Variants in MAGI3 observed in about 807,000 individuals in gnomAD.
MAGI3 encodes the protein membrane-associated guanylate kinase, WW and PDZ domain-containing protein 3.
MAGI3 carries 43 observed loss-of-function variants against 121.8 expected under a neutral mutation model. The ratio of observed to expected loss-of-function variants is 0.35; its 90% CI spans 0.28 to 0.46. MAGI3 has a LOEUF of 0.46. Ranked by LOEUF, MAGI3 falls within the 20% of genes least tolerant of loss-of-function variation. The pLI is 1.00. For synonymous variants in MAGI3, 553 were observed against 639.3 expected (o/e 0.86, Z 2.04); for missense variants, 1,547 against 1,797.3 (o/e 0.86, Z 2.52).
At chr1:113,445,567 A>ACACT (rs1032841262) in intron 1 of MAGI3, among the ~76,000 whole-genome samples, 1 of 152,116 alleles carries the variant, frequency 6.6e-6, no homozygotes, top group African/African-American at 2.4e-5. Context: ...TTATGCCACC[A>ACACT]CACTCCAGCC....
intron 16 of MAGI3, among the ~76,000 whole-genome samples, chr1:113,666,956 G>GA (rs1469866635): frequency 6.6e-6 from 1 of 152,172 alleles, no homozygotes; most frequent in Non-Finnish European, 1.5e-5. Flanking sequence ...ATTTTGAAAG[G>GA]AATCTTTTTT....
intron 1 of MAGI3, among the ~76,000 whole-genome samples, chr1:113,491,597 T>G (rs1416452566): frequency 6.6e-6 from 1 of 151,998 alleles, no homozygotes; most frequent in Admixed American, 6.6e-5. Flanking sequence ...GCTGGTTTTT[T>G]GAAGAAATTA....
At chr1:113,434,496 T>A (rs1653465793) in intron 1 of MAGI3, among the ~76,000 whole-genome samples, 1 of 152,160 alleles carries the variant, frequency 6.6e-6, no homozygotes, top group Non-Finnish European at 1.5e-5. Flanking sequence ...TAGTAAGCAT[T>A]CCCTAAATAA....
At chr1:113,561,317 GA>G (rs1233692469) in intron 2 of MAGI3, among the ~76,000 whole-genome samples, 1 of 152,126 alleles carries the variant, frequency 6.6e-6, no homozygotes, top group African/African-American at 2.4e-5. Flanking sequence ...AACAAAAAAA[GA>G]AAACTTCAGG....
chr1:113,440,089 C>G (rs1653838236), intron 1 of MAGI3, among the ~76,000 whole-genome samples: 1 of 152,014 alleles, frequency 6.6e-6, no homozygotes, highest in African/African-American at 2.4e-5. Flanking sequence ...CTGTTTCCCC[C>G]CTTTAAAAAA....
intron 1 of MAGI3, among the ~76,000 whole-genome samples, chr1:113,482,666 TTA>T (rs1400048157): frequency 3.5e-5 from 5 of 142,696 alleles, no homozygotes; most frequent in Admixed American, 7.3e-5. Flanking sequence ...TTTTTTTTTT[TTA>T]ACCACTGGAG....
At chr1:113,587,486 G>A (rs546859519) in intron 4 of MAGI3, among the ~76,000 whole-genome samples, 3 of 152,258 alleles carry the variant, frequency 2.0e-5, no homozygotes, top group East Asian at 3.9e-4. Context: ...GTGAGCCACC[G>A]TGCCCAGCCT....
intron 3 of MAGI3, among the ~76,000 whole-genome samples, chr1:113,583,569 G>C (rs555187208): frequency 2.6e-5 from 4 of 151,996 alleles, no homozygotes; most frequent in Non-Finnish European, 4.4e-5. Flanking sequence ...TTTTATTTCT[G>C]TCATGGTATA....
intron 1 of MAGI3, among the ~76,000 whole-genome samples, chr1:113,412,560 C>T (rs1652059097): frequency 6.6e-6 from 1 of 152,106 alleles, no homozygotes; most frequent in African/African-American, 2.4e-5. Context: ...TTAATGATTG[C>T]CATTCTAACT....
intron 1 of MAGI3, among the ~76,000 whole-genome samples, chr1:113,434,806 G>T (rs1009964572): frequency 1.3e-5 from 2 of 152,182 alleles, no homozygotes; most frequent in East Asian, 1.9e-4. Context: ...GATAAGGAAG[G>T]TTCTTGCATT....
intron 1 of MAGI3, among the ~76,000 whole-genome samples, chr1:113,532,188 T>A (rs1008198624): frequency 1.3e-5 from 2 of 152,050 alleles, no homozygotes; most frequent in Non-Finnish European, 2.9e-5. Flanking sequence ...GCTTAAAGAC[T>A]ATTTATACTT....
intron 1 of MAGI3, among the ~76,000 whole-genome samples, chr1:113,514,592 A>C (rs984960803): frequency 1.3e-5 from 2 of 151,176 alleles, no homozygotes; most frequent in African/African-American, 4.9e-5. Flanking sequence ...ACATGGACAC[A>C]GGAAGGGGAA....
chr1:113,653,563 C>T (rs369928196), intron 14 of MAGI3, among the ~76,000 whole-genome samples: 49 of 151,480 alleles, frequency 3.2e-4, no homozygotes, highest in African/African-American at 7.0e-4. Context: ...CAGAGCAAGA[C>T]GCCATCTCGG....
chr1:113,648,915 T>G (rs1652999893), intron 12 of MAGI3, among the ~76,000 whole-genome samples: 1 of 152,152 alleles, frequency 6.6e-6, no homozygotes, highest in Non-Finnish European at 1.5e-5. Context: ...AATATCAAAC[T>G]CAAGTTTGAT....
At chr1:113,598,228 C>T (rs535739608) in intron 6 of MAGI3, among the ~76,000 whole-genome samples, 1 of 151,094 alleles carries the variant, frequency 6.6e-6, no homozygotes, top group Admixed American at 6.6e-5. Flanking sequence ...CCCCACCCCC[C>T]CTCCAAAAAA....
intron 6 of MAGI3, among the ~76,000 whole-genome samples, chr1:113,597,381 G>A (rs1171440392): frequency 6.6e-6 from 1 of 152,148 alleles, no homozygotes; most frequent in Non-Finnish European, 1.5e-5. Flanking sequence ...TTTAAAACTG[G>A]ATTGTGGTGA....
At chr1:113,414,212 A>G (rs1416811310) in intron 1 of MAGI3, among the ~76,000 whole-genome samples, 2 of 152,226 alleles carry the variant, frequency 1.3e-5, no homozygotes, top group African/African-American at 2.4e-5. Flanking sequence ...CCAGCCTTGC[A>G]TCACAGGGAT....
At position 113,513,073 on chromosome 1, in the gene MAGI3, C is replaced by T. The variant is rs1239906827; in HGVS notation, c.317-36442C>T. ...ACCTAGGAATCCACCTTACAAGGGA[C>T]ATGAAGGACCTCTTCAAGGAGAACT... On this transcript the variant is annotated intron_variant, in intron 1 of 20. Coordinates refer to ENST00000307546, the MANE Select transcript of MAGI3 (RefSeq NM_001142782.2). Among the ~76,000 whole-genome samples, 11 of 152,116 alleles carry T rather than the reference C, an allele frequency of 7.2e-5. No homozygotes were observed. In the East Asian group the frequency reaches 7.7e-4, roughly 11 times the overall value.
chr1:113,466,924 TA>T (rs1655318346), intron 1 of MAGI3, among the ~76,000 whole-genome samples: 1 of 152,070 alleles, frequency 6.6e-6, no homozygotes, highest in African/African-American at 2.4e-5. Flanking sequence ...TATTGTTTTT[TA>T]AGTTTCAATT....
Sources: allele counts gnomAD v4.1 joint callset (sites outside exome capture counted in the v4.1 genomes callset), GRCh38; gene constraint gnomAD v4.1.1; transcripts MANE v1.5; gene names NCBI Gene and HGNC (gene_info 2026-07-23, HGNC 2026-07-21).